Variants in FGF14 observed in about 807,000 individuals in gnomAD.
The protein encoded by FGF14 is fibroblast growth factor 14, also known as fibroblast growth factor homologous factor 4.
In FGF14, 5 loss-of-function variants were observed where a neutral mutation model predicts 25.5. The ratio of observed to expected loss-of-function variants is 0.20; its 90% CI spans 0.10 to 0.41. The LOEUF is 0.41. FGF14 is among the 10% of genes least tolerant of loss of function. The pLI, the probability that FGF14 is intolerant of heterozygous loss-of-function variation, is 1.00. For synonymous variants in FGF14, 138 were observed against 118.3 expected, an observed-to-expected ratio of 1.17 and a Z score of -1.08; for missense variants, 222 against 320.1, an observed-to-expected ratio of 0.69 and a Z score of 2.34.
intron 1 of FGF14, among the ~76,000 whole-genome samples, chr13:102,170,955 A>G (rs1365276540): frequency 6.6e-6 from 1 of 152,228 alleles, no homozygotes; most frequent in Non-Finnish European, 1.5e-5. Context: ...AACAATGTAA[A>G]GCATTGCTTT....
intron 1 of FGF14, among the ~76,000 whole-genome samples, chr13:102,171,837 C>T (rs1259197475): frequency 6.6e-6 from 1 of 151,432 alleles, no homozygotes; most frequent in African/African-American, 2.4e-5. Context: ...TGGACATTGC[C>T]CACCTTCCAG....
intron 1 of FGF14, among the ~76,000 whole-genome samples, chr13:101,882,471 A>C (rs2045760230): frequency 6.6e-6 from 1 of 152,112 alleles, no homozygotes; most frequent in South Asian, 2.1e-4. Context: ...ATTACACCAG[A>C]TGTGCAGTTT....
At chr13:102,332,729 T>G (rs906261060) in intron 1 of FGF14, among the ~76,000 whole-genome samples, 1 of 152,122 alleles carries the variant, frequency 6.6e-6, no homozygotes, top group Admixed American at 6.6e-5. Flanking sequence ...CAGGTCTAAG[T>G]ATGTCAGTTA....
At chr13:101,770,257 G>T (rs2038686849) in intron 3 of FGF14, among the ~76,000 whole-genome samples, 1 of 151,994 alleles carries the variant, frequency 6.6e-6, no homozygotes, top group Admixed American at 6.6e-5. Flanking sequence ...TTCATTGTGG[G>T]CTAATGTGTG....
At chr13:102,178,126 C>G (rs535459737) in intron 1 of FGF14, among the ~76,000 whole-genome samples, 1 of 152,184 alleles carries the variant, frequency 6.6e-6, no homozygotes, top group Non-Finnish European at 1.5e-5. Context: ...AGTGCCCTGC[C>G]CCACTTCAGC....
chr13:102,124,504 G>C (rs2140378772), intron 1 of FGF14, among the ~76,000 whole-genome samples: 1 of 152,198 alleles, frequency 6.6e-6, no homozygotes, highest in Middle Eastern at 3.4e-3. Context: ...TGTAGTACTG[G>C]AAGGTTTTGG....
chr13:101,977,333 T>G (rs564959701), intron 1 of FGF14, among the ~76,000 whole-genome samples: 1 of 151,706 alleles, frequency 6.6e-6, no homozygotes, highest in Non-Finnish European at 1.5e-5. Flanking sequence ...TGAGTTGCAG[T>G]GAAAAAAAAA....
intron 1 of FGF14, among the ~76,000 whole-genome samples, chr13:102,190,027 G>C (rs554413026): frequency 6.6e-6 from 1 of 152,130 alleles, no homozygotes; most frequent in African/African-American, 2.4e-5. Context: ...ACATTTCAAC[G>C]AGATGTTGAG....
chr13:102,186,400 A>G (rs1229314371), intron 1 of FGF14, among the ~76,000 whole-genome samples: 3 of 152,172 alleles, frequency 2.0e-5, no homozygotes, highest in African/African-American at 7.2e-5. Flanking sequence ...AACAATATTA[A>G]TATATGCCAC....
intron 1 of FGF14, among the ~76,000 whole-genome samples, chr13:102,337,504 G>C (rs1317119590): frequency 1.3e-5 from 2 of 152,176 alleles, no homozygotes; most frequent in African/African-American, 4.8e-5. Flanking sequence ...GATGCTGTGA[G>C]TGTTGTTGAA....
At chr13:102,374,337 CAAAA>C (rs2057971423) in intron 1 of FGF14, among the ~76,000 whole-genome samples, 1 of 151,700 alleles carries the variant, frequency 6.6e-6, no homozygotes, top group Non-Finnish European at 1.5e-5. Context: ...ACAGTACCCA[CAAAA>C]ATGTGGGTAC....
At chr13:101,884,469 G>C (rs575387742) in intron 1 of FGF14, among the ~76,000 whole-genome samples, 1 of 152,280 alleles carries the variant, frequency 6.6e-6, no homozygotes, top group African/African-American at 2.4e-5. Context: ...CACCAAGATG[G>C]AACATAAATA....
At chr13:101,915,259 T>G (rs1368770894) in intron 1 of FGF14, among the ~76,000 whole-genome samples, 1 of 152,190 alleles carries the variant, frequency 6.6e-6, no homozygotes, top group Non-Finnish European at 1.5e-5. Flanking sequence ...ATCAAAACTT[T>G]TGGTCATCAA....
At chr13:102,006,444 T>C (rs924747457) in intron 1 of FGF14, among the ~76,000 whole-genome samples, 2 of 152,180 alleles carry the variant, frequency 1.3e-5, no homozygotes, top group African/African-American at 4.8e-5. Flanking sequence ...ACTGCCTCAG[T>C]GTGAGGCCAC....
chr13:102,256,482 A>G (rs559538730), intron 1 of FGF14, among the ~76,000 whole-genome samples: 21 of 152,248 alleles, frequency 1.4e-4, no homozygotes, highest in African/African-American at 7.2e-5. Flanking sequence ...TGGGTGACAG[A>G]GCGAGACCCT....
chr13:101,722,996 A>G (rs1307715821), intron 4 of FGF14, 29 bp from the exon 5 acceptor site: 2 of 1,612,922 alleles, frequency 1.2e-6, no homozygotes. Flanking sequence ...GAGGAGGAAA[A>G]GCAAACATTG....
intron 3 of FGF14, among the ~76,000 whole-genome samples, chr13:101,778,027 A>T (rs1226339707): frequency 6.6e-6 from 1 of 152,196 alleles, no homozygotes; most frequent in Non-Finnish European, 1.5e-5. Flanking sequence ...TGAAACTGTG[A>T]TAAAACATAT....
rs972774244 is a variant in FGF14 at position 102,240,451 on chromosome 13, C to T, written c.208+161020G>A. ...ATTGCTCAACTAAAATAAACATTTC[C>T]CGGCAAATTCAAGAGCTGATATTTG... On this transcript the variant is annotated intron_variant, in intron 1 of 4. Transcript: ENST00000376131. 3.3e-5 allele frequency among the ~76,000 whole-genome samples: 5 copies of T among 152,252 alleles called. No homozygotes were observed. In the East Asian group the frequency reaches 7.7e-4, roughly 24 times the overall value.
intron 3 of FGF14, among the ~76,000 whole-genome samples, chr13:101,787,659 C>T (rs1028697498): frequency 1.3e-5 from 2 of 152,146 alleles, no homozygotes; most frequent in African/African-American, 4.8e-5. Flanking sequence ...TAGCAAGCAT[C>T]CTGTCTTCTT....
Sources: allele counts gnomAD v4.1 joint callset (sites outside exome capture counted in the v4.1 genomes callset), GRCh38; gene constraint gnomAD v4.1.1; transcripts MANE v1.5; gene names NCBI Gene and HGNC (gene_info 2026-07-23, HGNC 2026-07-21).